The following IDE variants were observed in gnomAD, a reference collection of about 807,000 sequenced individuals.
The protein encoded by IDE is insulin-degrading enzyme.
Under a neutral mutation model 133.2 loss-of-function variants are expected in IDE, and 58 were observed. The ratio of observed to expected loss-of-function variants is 0.44; its 90% CI spans 0.35 to 0.54. IDE has a LOEUF of 0.54. Among genes scored for constraint, IDE ranks in the 20% least tolerant of loss-of-function variants. The probability of loss-of-function intolerance (pLI) is 0.00; values close to 1 mark genes in which losing one functional copy is unlikely to be tolerated. For missense variants in IDE, 981 were observed against 1,234.0 expected (o/e 0.79, Z 3.07); for synonymous variants, 396 against 421.3 (o/e 0.94, Z 0.73).
rs575383589 is a variant in IDE, at chr10:92,499,209, A to G, written c.1430+5585T>C. Among the ~76,000 whole-genome samples the G allele has an allele frequency of 4.8e-4, 73 of 150,904 alleles. 1 individual carries two copies. The highest frequency in any genetic ancestry group is 1.8e-3 in the African/African-American group (73 of 41,098). On this transcript the variant is annotated intron_variant, in intron 11 of 24. Transcript: ENST00000265986. ...GGTTTTTCTTTTTTTTTTGAGATGG[A>G]GTTTTGCTCTTTTGCCCAGGGTGGA... is the stretch of plus-strand genomic sequence containing the variant.
chr10:92,493,160 T>A (rs1326178621), intron 11 of IDE, among the ~76,000 whole-genome samples: 1 of 152,170 alleles, frequency 6.6e-6, no homozygotes, highest in Non-Finnish European at 1.5e-5. Context: ...GGTGTATGTG[T>A]AGAGAGTTCA....
At chr10:92,459,872 C>T (rs533692013) in intron 22 of IDE, among the ~76,000 whole-genome samples, 11 of 147,820 alleles carry the variant, frequency 7.4e-5, no homozygotes, top group South Asian at 6.5e-4. Flanking sequence ...CACTGTCGCC[C>T]GGGCTGGTGT....
intron 17 of IDE, among the ~76,000 whole-genome samples, chr10:92,471,454 T>C (rs551784481): frequency 1.1e-4 from 17 of 152,344 alleles, no homozygotes; most frequent in African/African-American, 3.8e-4. Flanking sequence ...AATTTAAGTT[T>C]GTTGTTCAAA....
intron 5 of IDE, among the ~76,000 whole-genome samples, chr10:92,512,390 T>C (rs1233840320): frequency 2.0e-5 from 3 of 152,212 alleles, no homozygotes; most frequent in African/African-American, 4.8e-5. Context: ...GTGATGTGTA[T>C]GGATCAGAGA....
At chr10:92,504,700 T>C in intron 11 of IDE, 94 bp downstream of exon 11, 1 of 707,412 alleles carries the variant, frequency 1.4e-6, no homozygotes, top group Non-Finnish European at 2.5e-6. Context: ...GATAAAATGT[T>C]TAAAAGCATT....
intron 3 of IDE, among the ~76,000 whole-genome samples, chr10:92,533,793 G>A (rs1850073158): frequency 6.6e-6 from 1 of 151,878 alleles, no homozygotes; most frequent in South Asian, 2.1e-4. Context: ...GGAGGCTGAG[G>A]TGGGTGGATC....
At chr10:92,479,158 T>G in intron 15 of IDE, 119 bp downstream of exon 15, 1 of 607,380 alleles carries the variant, frequency 1.6e-6, no homozygotes, top group East Asian at 2.9e-5. Flanking sequence ...GAAAATATGA[T>G]TAGCCATAAA....
intron 1 of IDE, chr10:92,541,458 T>C: frequency 3.9e-6 from 1 of 256,340 alleles, no homozygotes; most frequent in Non-Finnish European, 8.4e-6. Flanking sequence ...TTATGGCAAA[T>C]GTTCTCCAAT....
intron 11 of IDE, among the ~76,000 whole-genome samples, chr10:92,493,580 C>A (rs144844948): frequency 6.7e-6 from 1 of 149,234 alleles, no homozygotes. Context: ...TGCAGTAATG[C>A]TCAGGTTAAA....
chr10:92,556,796 C>G (rs552372579), intron 1 of IDE, among the ~76,000 whole-genome samples: 6 of 150,392 alleles, frequency 4.0e-5, no homozygotes, highest in South Asian at 4.2e-4. Flanking sequence ...CGGTGGTGGG[C>G]GCCTGTAATC....
intron 21 of IDE, among the ~76,000 whole-genome samples, chr10:92,462,657 C>T (rs1464740030): frequency 1.3e-5 from 2 of 152,130 alleles, no homozygotes; most frequent in East Asian, 3.9e-4. Context: ...AGCCTTGGCT[C>T]AGGAGCCAGG....
chr10:92,477,258 T>C (rs1453597835), intron 15 of IDE, among the ~76,000 whole-genome samples: 1 of 152,122 alleles, frequency 6.6e-6, no homozygotes, highest in Non-Finnish European at 1.5e-5. Context: ...GCTCAAGCGA[T>C]CCTCCCACCT....
chr10:92,539,121 A>G lies in IDE; in HGVS notation c.99-1571T>C, dbSNP rs573872352. Among the ~76,000 whole-genome samples, 4 of 152,248 alleles carry G rather than the reference A, an allele frequency of 2.6e-5. No homozygotes were observed. The East Asian group carries it at 7.7e-4, about 29-fold the overall frequency. On this transcript the variant is annotated intron_variant, in intron 1 of 24. Coordinates refer to ENST00000265986, the MANE Select transcript of IDE (RefSeq NM_004969.4). ...GAAATCACCTATAACTATTCTTCCAATCTGCATAACAATTGATAAATCAAA... is the reference window on the plus strand; with the variant it reads ...GAAATCACCTATAACTATTCTTCCAGTCTGCATAACAATTGATAAATCAAA...
Position 92,458,490 on chromosome 10 carries a change from G to GTTTTTT in IDE, c.2824-2065_2824-2060dup, listed in dbSNP as rs71028821. Among the ~76,000 whole-genome samples the GTTTTTT allele has an allele frequency of 5.2e-3, 434 of 83,864 alleles. 40 individuals are homozygous for GTTTTTT. The highest frequency in any genetic ancestry group is 6.7e-3 in the Non-Finnish European group (303 of 44,922). 55.0% of individuals were successfully genotyped at this position (83,864 alleles called of 152,430 possible). On this transcript the variant is annotated intron_variant, in intron 22 of 24. Coordinates refer to ENST00000265986, the MANE Select transcript of IDE (RefSeq NM_004969.4). Reference sequence around the variant, plus strand: ...AGGCCTGGTTATAAATACTCTCTCTGTTTTTTTTTTTTTTTTTTTTTTTTT... The same window carrying GTTTTTT: ...AGGCCTGGTTATAAATACTCTCTCTGTTTTTTTTTTTTTTTTTTTTTTTTTTTTTTT...
chr10:92,472,642 C>CTTT (rs35959170), intron 17 of IDE, among the ~76,000 whole-genome samples: 14 of 125,920 alleles, frequency 1.1e-4, no homozygotes, highest in African/African-American at 1.2e-4. Flanking sequence ...CAACAGAATT[C>CTTT]TTTTTTTTTT....
At position 92,487,425 on chromosome 10, in the gene IDE, C is replaced by A. The variant is rs566265804; in HGVS notation, c.1534-107G>T. On this transcript the variant is annotated intron_variant, in intron 12 of 24. Transcript: ENST00000265986. The stretch of plus-strand genomic sequence containing the variant: ...AAATATTAAGTGCACAAATGTCACA[C>A]AGCATTGTTTTCCATCATATATAAA... 158 of 941,340 alleles carry A rather than the reference C, an allele frequency of 1.7e-4. No individual in the cohort carries two copies. The African/African-American group carries it at 2.4e-3, about 14-fold the overall frequency. 58.3% of individuals were successfully genotyped at this position (941,340 alleles called of 1,614,324 possible).
Position 92,564,362 on chromosome 10 carries a change from A to G in IDE, c.98+9560T>C, listed in dbSNP as rs75602791. 7.2e-5 allele frequency among the ~76,000 whole-genome samples: 11 copies of G among 152,280 alleles called. No homozygotes were observed. The East Asian group carries it at 2.1e-3, about 29-fold the overall frequency. Reference sequence around the variant, plus strand: ...ATATGGAACCAATAGATCATCTAATAGATTTGATCATATAAGAAACTGTAC... The same window carrying G: ...ATATGGAACCAATAGATCATCTAATGGATTTGATCATATAAGAAACTGTAC... On this transcript the variant is annotated intron_variant, in intron 1 of 24. Coordinates refer to ENST00000265986, the MANE Select transcript of IDE (RefSeq NM_004969.4).
chr10:92,537,432 T>A lies in IDE; in HGVS notation c.217A>T (p.Ile73Phe), dbSNP rs776980415. ...EYRGLELANG[I>F]KVLLISDPTT... Reference sequence around the variant, plus strand: ...GGATCACTGATAAGAAGTACTTTGATACCATTGGCCAGCTCTAGCCCTCGA... The same window carrying A: ...GGATCACTGATAAGAAGTACTTTGAAACCATTGGCCAGCTCTAGCCCTCGA... The change falls in exon 2 of 25, where the codon ATC becomes TTC. Residue 73 changes from isoleucine (I) to phenylalanine (F), a missense_variant. Ile to Phe is a conservative substitution (Grantham distance 21, BLOSUM62 0). This residue lies in a region of IDE where 321 missense variants were observed against 339.3 expected (regional missense o/e 0.95). Transcript: ENST00000265986. 3.7e-6 allele frequency: 6 copies of A among 1,614,074 alleles called. No individual in the cohort carries two copies. The Admixed American group carries it at 1.0e-4, about 27-fold the overall frequency.
intron 1 of IDE, among the ~76,000 whole-genome samples, chr10:92,554,239 C>T (rs934457875): frequency 6.6e-6 from 1 of 152,108 alleles, no homozygotes; most frequent in Non-Finnish European, 1.5e-5. Flanking sequence ...GGGGAACAAC[C>T]CCACACAATC....
Sources: gnomAD v4.1 joint callset for allele counts (sites outside exome capture counted in the v4.1 genomes callset) on GRCh38, gnomAD v4.1.1 for gene constraint, gnomAD v4.1.1 regional missense constraint, MANE v1.5 for transcripts, NCBI Gene and HGNC (gene_info 2026-07-23, HGNC 2026-07-21) for gene names.